Variants in RANBP2 observed in about 807,000 individuals in gnomAD.
RANBP2 encodes the protein RAN binding protein 2, also known as E3 SUMO-protein ligase RanBP2.
RANBP2 carries 57 observed loss-of-function variants against 303.6 expected under a neutral mutation model. The ratio of observed to expected loss-of-function variants is 0.19; its 90% CI spans 0.15 to 0.23. The LOEUF is 0.23. Among genes scored for constraint, RANBP2 ranks in the 10% least tolerant of loss-of-function variants. The pLI is 1.00. For missense variants in RANBP2, 3,138 were observed against 3,780.8 expected, an observed-to-expected ratio of 0.83 and a Z score of 4.46; for synonymous variants, 1,167 against 1,301.5, an observed-to-expected ratio of 0.90 and a Z score of 2.23.
the RANBP2 span, among the ~76,000 whole-genome samples, chr2:109,439,282 G>T: frequency 6.6e-6 from 1 of 152,064 alleles, no homozygotes; most frequent in Non-Finnish European, 1.5e-5. Flanking sequence ...TGGTTAAACG[G>T]CTCCCCAGTG....
the RANBP2 span, among the ~76,000 whole-genome samples, chr2:109,243,508 A>T: frequency 1.3e-5 from 2 of 152,172 alleles, no homozygotes; most frequent in Non-Finnish European, 2.9e-5. Context: ...ATGCTCATGA[A>T]AAAAGTCAGA....
the RANBP2 span, among the ~76,000 whole-genome samples, chr2:108,853,929 ATAATTT>A: frequency 8.0e-6 from 1 of 125,084 alleles, no homozygotes. Context: ...TATATTATAT[ATAATTT>A]ATATATAATA....
chr2:109,417,670 A>G, the RANBP2 span, among the ~76,000 whole-genome samples: 1 of 152,152 alleles, frequency 6.6e-6, no homozygotes, highest in Non-Finnish European at 1.5e-5. Context: ...GAGTTACCCT[A>G]GAGACACCAA....
chr2:108,939,878 C>T, the RANBP2 span, among the ~76,000 whole-genome samples: 1 of 152,326 alleles, frequency 6.6e-6, no homozygotes, highest in Admixed American at 6.5e-5. Context: ...GATCTGGACT[C>T]CACTAGAGAA....
the RANBP2 span, chr2:109,543,016 A>C: frequency 6.6e-6 from 1 of 152,628 alleles, no homozygotes; most frequent in African/African-American, 2.4e-5. Context: ...GTCAAGAGTA[A>C]ATGTCAGTTT....
chr2:108,860,935 C>CTTTTTTT, the RANBP2 span, among the ~76,000 whole-genome samples: 170 of 37,930 alleles, frequency 4.5e-3, 57 homozygotes, highest in East Asian at 0.017. Flanking sequence ...TGGTCCAGGA[C>CTTTTTTT]TTTTTTTTTT....
downstream of RANBP2, among the ~76,000 whole-genome samples, chr2:108,790,485 T>C (rs1469646927): frequency 6.6e-6 from 1 of 152,166 alleles, no homozygotes; most frequent in African/African-American, 2.4e-5. Flanking sequence ...GGGGCTGGTC[T>C]GAATTGAGAT....
chr2:109,610,490 G>A, the RANBP2 span, among the ~76,000 whole-genome samples: 1,757 of 152,298 alleles, frequency 0.012, 30 homozygotes, highest in African/African-American at 0.04. Flanking sequence ...TGAGACGGGT[G>A]GATCACCTGA....
chr2:109,053,419 C>T, the RANBP2 span, among the ~76,000 whole-genome samples: 3 of 152,232 alleles, frequency 2.0e-5, no homozygotes, highest in African/African-American at 7.2e-5. Flanking sequence ...AGCTGGGGTT[C>T]TGCCCCAGTC....
the RANBP2 span, among the ~76,000 whole-genome samples, chr2:109,269,110 G>C: frequency 1.3e-5 from 2 of 152,226 alleles, no homozygotes. Flanking sequence ...GCCGCACGTG[G>C]ATTTTGTGCT....
chr2:108,972,901 G>A, the RANBP2 span, among the ~76,000 whole-genome samples: 1 of 152,202 alleles, frequency 6.6e-6, no homozygotes, highest in South Asian at 2.1e-4. Context: ...AGCTGGGCAC[G>A]CCCAGAACAA....
At position 108,763,833 on chromosome 2, in the gene RANBP2, A is replaced by T. The variant is rs761991452; in HGVS notation, c.3294A>T (p.Thr1098=). The stretch of plus-strand genomic sequence containing the variant: ...GTCAAACCATTGGGCCTCGAAATAC[A>T]TTCAATTTTGGAAGCAAAAATGTGT... ...PGGQTIGPRN[T]FNFGSKNVSG... The change falls in exon 20 of 29, where the codon ACA becomes ACT. Residue 1098 remains threonine (T), a synonymous_variant. Coordinates refer to ENST00000283195, the MANE Select transcript of RANBP2 (RefSeq NM_006267.5). The T allele has an allele frequency of 5.6e-6, 9 of 1,613,990 alleles. No individual in the cohort carries two copies. The highest frequency in any genetic ancestry group is 2.7e-5 in the African/African-American group (2 of 74,926).
At chr2:109,494,798 T>C in the RANBP2 span, among the ~76,000 whole-genome samples, 2 of 152,098 alleles carry the variant, frequency 1.3e-5, no homozygotes, top group Admixed American at 6.5e-5. Flanking sequence ...CTTGGGCCTT[T>C]CCTGTGCCCA....
At chr2:108,824,745 T>A in the RANBP2 span, among the ~76,000 whole-genome samples, 44 of 152,330 alleles carry the variant, frequency 2.9e-4, no homozygotes, top group African/African-American at 1.0e-3. Flanking sequence ...TATACTTTTA[T>A]TCTACTGGCA....
At chr2:109,581,629 T>C in the RANBP2 span, among the ~76,000 whole-genome samples, 1 of 152,142 alleles carries the variant, frequency 6.6e-6, no homozygotes, top group African/African-American at 2.4e-5. Context: ...ATCTGTACCA[T>C]TTGGTATTTT....
At chr2:109,134,437 C>A in the RANBP2 span, among the ~76,000 whole-genome samples, 1 of 152,112 alleles carries the variant, frequency 6.6e-6, no homozygotes, top group African/African-American at 2.4e-5. Context: ...TTCAGAAGGC[C>A]CCTGAGTGTG....
the RANBP2 span, among the ~76,000 whole-genome samples, chr2:109,426,822 A>T: frequency 6.6e-6 from 1 of 152,166 alleles, no homozygotes; most frequent in Admixed American, 6.5e-5. Context: ...TATTTTAAGA[A>T]GTTGCCACAG....
At chr2:109,418,940 C>T in the RANBP2 span, among the ~76,000 whole-genome samples, 14 of 152,180 alleles carry the variant, frequency 9.2e-5, no homozygotes, top group African/African-American at 1.2e-4. Context: ...CCTCGGCCCC[C>T]CCACTGTCCC....
chr2:109,598,856 G>A, the RANBP2 span, among the ~76,000 whole-genome samples: 6 of 151,760 alleles, frequency 4.0e-5, no homozygotes, highest in South Asian at 1.3e-3. Flanking sequence ...CTCCAGCCTG[G>A]GTGACAGAGT....
Sources: allele counts gnomAD v4.1 joint callset (sites outside exome capture counted in the v4.1 genomes callset), GRCh38; gene constraint gnomAD v4.1.1; transcripts MANE v1.5; gene names NCBI Gene and HGNC (gene_info 2026-07-23, HGNC 2026-07-21).